Variants in SIDT1 observed in about 807,000 individuals in gnomAD.
The protein encoded by SIDT1 is SID1 transmembrane family, member 1.
Under a neutral mutation model 107.5 loss-of-function variants are expected in SIDT1, and 101 were observed. The observed-to-expected ratio is 0.94, with a 90% CI of 0.80 to 1.11. The LOEUF (loss-of-function observed/expected upper bound fraction) is 1.11, where lower values mean the gene tolerates loss of function less well. SIDT1 is among the 50% of genes least tolerant of loss of function. The probability of loss-of-function intolerance (pLI) is 0.00; values close to 1 mark genes in which losing one functional copy is unlikely to be tolerated. For missense variants in SIDT1, 1,076 were observed against 1,058.2 expected (o/e 1.02, Z -0.23); for synonymous variants, 395 against 398.2 (o/e 0.99, Z 0.10).
At chr3:113,593,466 C>A (rs1944326297) in intron 10 of SIDT1, among the ~76,000 whole-genome samples, 1 of 152,180 alleles carries the variant, frequency 6.6e-6, no homozygotes, top group Non-Finnish European at 1.5e-5. Flanking sequence ...CCCATCCCCA[C>A]CCCCGTCTGT....
chr3:113,558,107 T>G (rs1403546675), intron 1 of SIDT1, among the ~76,000 whole-genome samples: 1 of 152,086 alleles, frequency 6.6e-6, no homozygotes, highest in Admixed American at 6.5e-5. Context: ...CCATGGCAAA[T>G]GAGCCAGGAG....
chr3:113,589,943 A>G (rs1944023924), intron 9 of SIDT1: 1 of 153,030 alleles, frequency 6.5e-6, no homozygotes, highest in Non-Finnish European at 1.5e-5. Flanking sequence ...TGAATGAAAC[A>G]GTATAGATCC....
intron 1 of SIDT1, among the ~76,000 whole-genome samples, chr3:113,553,488 A>G (rs1940502890): frequency 6.6e-6 from 1 of 152,198 alleles, no homozygotes; most frequent in Non-Finnish European, 1.5e-5. Flanking sequence ...CAATGTATAG[A>G]AATAAAATCC....
At chr3:113,568,213 C>T (rs1942098556) in intron 3 of SIDT1, among the ~76,000 whole-genome samples, 1 of 151,868 alleles carries the variant, frequency 6.6e-6, no homozygotes, top group African/African-American at 2.4e-5. Context: ...AACAGGCAAG[C>T]TCATCAAAAA....
intron 21 of SIDT1, 33 bp downstream of exon 21, chr3:113,619,759 T>G: frequency 6.3e-7 from 1 of 1,595,340 alleles, no homozygotes; most frequent in Non-Finnish European, 8.6e-7. Context: ...GTTTTTGCCT[T>G]TATTAATGTC....
chr3:113,621,924 G>C (rs1946486581), intron 21 of SIDT1, among the ~76,000 whole-genome samples: 1 of 152,168 alleles, frequency 6.6e-6, no homozygotes, highest in Non-Finnish European at 1.5e-5. Flanking sequence ...TGTGGCTAGT[G>C]TGACTGAGGA....
chr3:113,616,126 A>G lies in SIDT1; in HGVS notation c.1993A>G (p.Met665Val). Residue 665 changes from methionine to valine, a missense_variant, in exon 20 of 25, where the codon ATG becomes GTG. Transcript: ENST00000264852. ...IDLGIFRRAAMVFYTDCIQQC... is the reference protein window; with the variant it reads ...IDLGIFRRAAVVFYTDCIQQC... ...TTTGGGAATTTTCCGGCGGGCTGCC[A>G]TGGTGTTCTACACAGACTGTATCCA... 9 of 1,614,110 alleles carry G rather than the reference A, an allele frequency of 5.6e-6. No individual in the cohort carries two copies. The highest frequency in any genetic ancestry group is 7.6e-6 in the Non-Finnish European group (9 of 1,179,924).
At chr3:113,534,188 C>G (rs1191084271) in intron 1 of SIDT1, among the ~76,000 whole-genome samples, 1 of 152,156 alleles carries the variant, frequency 6.6e-6, no homozygotes, top group Non-Finnish European at 1.5e-5. Context: ...ACTATACCAG[C>G]ATCCCCTACC....
intron 16 of SIDT1, 60 bp from the exon 17 acceptor site, chr3:113,608,359 A>G: frequency 3.9e-6 from 6 of 1,530,060 alleles, no homozygotes; most frequent in Non-Finnish European, 5.4e-6. Context: ...CTTCCAGATT[A>G]GTGACTTGGT....
At chr3:113,614,456 T>A (rs1318628350) in intron 19 of SIDT1, among the ~76,000 whole-genome samples, 1 of 152,062 alleles carries the variant, frequency 6.6e-6, no homozygotes, top group Non-Finnish European at 1.5e-5. Flanking sequence ...TGTACCAGAG[T>A]CAAAAGAAAA....
Position 113,566,516 on chromosome 3 carries a change from C to T in SIDT1, c.319C>T (p.Gln107Ter). The T allele has an allele frequency of 6.2e-7, 1 of 1,614,116 alleles. No homozygotes were observed. The highest frequency in any genetic ancestry group is 1.1e-5 in the South Asian group (1 of 91,064). Residue 107 changes from glutamine to a stop codon, truncating the protein, a stop_gained, in exon 2 of 25, where the codon CAG becomes TAG. Coordinates refer to ENST00000264852, the MANE Select transcript of SIDT1 (RefSeq NM_017699.3). LOFTEE classifies it high-confidence loss of function. ...CCAGCAGAAAGAGGTGCTGTCCTGGCAGGTTCCTCTGCTCTTCCAAGGACT... is the reference window on the plus strand; with the variant it reads ...CCAGCAGAAAGAGGTGCTGTCCTGGTAGGTTCCTCTGCTCTTCCAAGGACT... ...VRQQKEVLSW[Q>*]VPLLFQGLYQ... is the part of the protein sequence containing the mutation.
intron 18 of SIDT1, 65 bp from the exon 19 acceptor site, chr3:113,612,021 G>A (rs1282149074): frequency 7.8e-6 from 9 of 1,150,566 alleles, no homozygotes; most frequent in East Asian, 2.3e-5. Context: ...ACAGGAGAGA[G>A]GATGATTTTG....
intron 1 of SIDT1, among the ~76,000 whole-genome samples, chr3:113,535,098 C>T (rs542770408): frequency 6.6e-6 from 1 of 152,132 alleles, no homozygotes; most frequent in Admixed American, 6.5e-5. Context: ...ATAATGAGAC[C>T]CTCTCTCTAC....
intron 3 of SIDT1, among the ~76,000 whole-genome samples, chr3:113,568,611 GAA>G (rs1942151990): frequency 6.8e-6 from 1 of 148,028 alleles, no homozygotes; most frequent in Non-Finnish European, 1.5e-5. Context: ...AAAAAGAAAA[GAA>G]AAGAAAAGAA....
intron 15 of SIDT1, among the ~76,000 whole-genome samples, 190 bp downstream of exon 15, chr3:113,607,304 A>C (rs1159061916): frequency 6.6e-6 from 1 of 152,230 alleles, no homozygotes; most frequent in Admixed American, 6.5e-5. Context: ...CTCAGGAAAC[A>C]TTCCTTAGCA....
chr3:113,564,734 TC>T (rs1364935589), intron 1 of SIDT1, among the ~76,000 whole-genome samples: 1 of 152,126 alleles, frequency 6.6e-6, no homozygotes, highest in Non-Finnish European at 1.5e-5. Flanking sequence ...AGTGATCAAT[TC>T]CATTTCAGAC....
At chr3:113,579,300 G>A (rs1034428703) in intron 4 of SIDT1, among the ~76,000 whole-genome samples, 6 of 152,118 alleles carry the variant, frequency 3.9e-5, no homozygotes, top group Non-Finnish European at 7.4e-5. Context: ...ACTTTCAGTG[G>A]GTGTTTACTG....
At chr3:113,582,724 G>A (rs1943453838) in intron 6 of SIDT1, among the ~76,000 whole-genome samples, 1 of 152,024 alleles carries the variant, frequency 6.6e-6, no homozygotes, top group African/African-American at 2.4e-5. Context: ...CGACATGAGC[G>A]AAACTCCTTC....
Position 113,578,840 on chromosome 3 carries a change from G to A in SIDT1, c.562-1768G>A, listed in dbSNP as rs369688461. 1.1e-4 allele frequency among the ~76,000 whole-genome samples: 17 copies of A among 152,160 alleles called. No individual in the cohort carries two copies. In the East Asian group the frequency reaches 2.1e-3, roughly 19 times the overall value. ...ATTGCACCCTAGCCTGGGTGACAGC[G>A]TGAGACCCTATCTCTGAAAAAAAAA... On this transcript the variant is annotated intron_variant, in intron 4 of 24. Transcript: ENST00000264852.
Sources: gnomAD v4.1 joint callset for allele counts (sites outside exome capture counted in the v4.1 genomes callset) on GRCh38, gnomAD v4.1.1 for gene constraint, MANE v1.5 for transcripts, NCBI Gene and HGNC (gene_info 2026-07-23, HGNC 2026-07-21) for gene names.